Variants in TUT4 observed in about 807,000 individuals in gnomAD.
The protein encoded by TUT4 is terminal uridylyltransferase 4.
A neutral mutation model predicts 192.2 loss-of-function variants in TUT4; 36 were observed. That is an observed-to-expected ratio of 0.19 (90% CI 0.14 to 0.25). TUT4 has a LOEUF of 0.25. TUT4 is among the 10% of genes least tolerant of loss of function. TUT4 has a pLI of 1.00. For missense variants in TUT4, 1,493 were observed against 1,957.2 expected (o/e 0.76, Z 4.47); for synonymous variants, 618 against 666.0 (o/e 0.93, Z 1.11).
At chr1:52,497,215 CAA>C (rs34809739) in intron 4 of TUT4, 32 bp from the exon 5 acceptor site, 1 of 1,531,464 alleles carries the variant, frequency 6.5e-7, no homozygotes, top group Non-Finnish European at 8.7e-7. Context: ...ACAATAAAAA[CAA>C]AAAAAGTTTC....
At chr1:52,529,510 G>A (rs1033347551) in intron 1 of TUT4, among the ~76,000 whole-genome samples, 1 of 152,036 alleles carries the variant, frequency 6.6e-6, no homozygotes. Context: ...TAAAAGATTA[G>A]TTTTACCTTG....
At position 52,477,326 on chromosome 1, in the gene TUT4, C is replaced by T. The variant is rs79096319; in HGVS notation, c.2023+382G>A. ...GTGGCTCATGCCTATAATCCGAGCA[C>T]TTTGGGAGACCAATGCAGGAGGATC... is the stretch of plus-strand genomic sequence containing the variant. On this transcript the variant is annotated intron_variant, in intron 12 of 29. Transcript: ENST00000257177. Among the ~76,000 whole-genome samples the T allele has an allele frequency of 8.9e-3, 1,354 of 152,232 alleles. 22 individuals carry two copies. The highest frequency in any genetic ancestry group is 0.03 in the African/African-American group (1,255 of 41,528).
intron 12 of TUT4, among the ~76,000 whole-genome samples, chr1:52,475,986 A>G (rs1318523511): frequency 2.0e-5 from 3 of 152,112 alleles, no homozygotes; most frequent in Non-Finnish European, 4.4e-5. Flanking sequence ...CTGGGACTAC[A>G]GGTACACGCC....
chr1:52,493,176 C>T (rs910605630), intron 7 of TUT4, among the ~76,000 whole-genome samples: 5 of 152,130 alleles, frequency 3.3e-5, no homozygotes, highest in East Asian at 3.9e-4. Flanking sequence ...CTCCGCATCC[C>T]GGGTTCAAGC....
chr1:52,506,609 T>C (rs1675646975), intron 4 of TUT4, among the ~76,000 whole-genome samples: 1 of 152,228 alleles, frequency 6.6e-6, no homozygotes, highest in African/African-American at 2.4e-5. Context: ...CTACCCAATA[T>C]AGTTTTAATC....
intron 4 of TUT4, among the ~76,000 whole-genome samples, chr1:52,504,566 G>A (rs1675012458): frequency 6.6e-6 from 1 of 152,148 alleles, no homozygotes; most frequent in Admixed American, 6.5e-5. Context: ...GGAGGTGGAG[G>A]TTGTAGTGAG....
chr1:52,423,877 A>G lies in TUT4; in HGVS notation c.*58T>C, dbSNP rs961056979. On this transcript the variant is annotated 3_prime_UTR_variant, in exon 30 of 30. Transcript: ENST00000257177. ...ATTGAGGTACGGATACCCTTGAGAC[A>G]GCAGGATTGGCTGGTTGCTGTGCAT... 6 of 1,595,322 alleles carry G rather than the reference A, an allele frequency of 3.8e-6. No homozygotes were observed. Among genetic ancestry groups the G allele is most frequent in the Non-Finnish European group, 5.1e-6 (6 of 1,170,830 alleles).
At chr1:52,500,481 G>A (rs1417183270) in intron 4 of TUT4, among the ~76,000 whole-genome samples, 2 of 151,878 alleles carry the variant, frequency 1.3e-5, no homozygotes, top group Non-Finnish European at 2.9e-5. Flanking sequence ...TAAAAAATTA[G>A]GCCAGGCACG....
At chr1:52,502,887 G>C (rs1287539819) in intron 4 of TUT4, among the ~76,000 whole-genome samples, 1 of 152,084 alleles carries the variant, frequency 6.6e-6, no homozygotes, top group Non-Finnish European at 1.5e-5. Context: ...GCCTCCCAAA[G>C]TACTAGGATT....
intron 20 of TUT4, among the ~76,000 whole-genome samples, chr1:52,453,321 G>A (rs968125501): frequency 6.6e-6 from 1 of 151,918 alleles, no homozygotes; most frequent in Admixed American, 6.6e-5. Flanking sequence ...GGCGGAGGCT[G>A]GAGTAAGCAG....
upstream of TUT4, chr1:52,553,351 A>G (rs1252644068): frequency 7.2e-6 from 1 of 139,802 alleles, no homozygotes; most frequent in African/African-American, 2.6e-5. Flanking sequence ...GGAGGGGGGA[A>G]ACAGCACTGG....
intron 14 of TUT4, 42 bp from the exon 15 acceptor site, chr1:52,468,309 G>A: frequency 2.8e-6 from 4 of 1,454,276 alleles, no homozygotes; most frequent in Admixed American, 2.4e-5. Context: ...AGAAAAGTAA[G>A]GAAAACAGAA....
chr1:52,447,847 A>C (rs1658038229), intron 20 of TUT4, among the ~76,000 whole-genome samples: 1 of 152,210 alleles, frequency 6.6e-6, no homozygotes, highest in South Asian at 2.1e-4. Context: ...GTAGTTTATA[A>C]ATGGAGAAAA....
chr1:52,517,077 A>G (rs562077796), intron 2 of TUT4, among the ~76,000 whole-genome samples: 1 of 152,318 alleles, frequency 6.6e-6, no homozygotes, highest in Admixed American at 6.5e-5. Flanking sequence ...TCCCTTCTCC[A>G]TTGATGCTCC....
chr1:52,446,017 T>C lies in TUT4; in HGVS notation c.3692-13A>G. On this transcript the variant is annotated splice_polypyrimidine_tract_variant and intron_variant, in intron 22 of 29. Transcript: ENST00000257177. ...AAGTCAAAAGGGTCTACAAAAGAAATATATCAATGATTAAGAATTACATTC... is the reference window on the plus strand; with the variant it reads ...AAGTCAAAAGGGTCTACAAAAGAAACATATCAATGATTAAGAATTACATTC... 1 of 1,594,650 alleles carries C rather than the reference T, an allele frequency of 6.3e-7. No individual in the cohort carries two copies. The highest frequency in any genetic ancestry group is 8.5e-7 in the Non-Finnish European group (1 of 1,173,766).
chr1:52,496,282 TATC>T (rs1459853134), intron 5 of TUT4, among the ~76,000 whole-genome samples: 1 of 152,166 alleles, frequency 6.6e-6, no homozygotes, highest in Admixed American at 6.5e-5. Context: ...TTCCTTTTCT[TATC>T]ATAGTAAATA....
chr1:52,497,610 T>C (rs1672783433), intron 4 of TUT4, among the ~76,000 whole-genome samples: 1 of 152,240 alleles, frequency 6.6e-6, no homozygotes, highest in Non-Finnish European at 1.5e-5. Context: ...GCCTACTATT[T>C]ACCAGTGATT....
intron 28 of TUT4, among the ~76,000 whole-genome samples, chr1:52,425,852 T>C (rs1036194063): frequency 4.9e-4 from 48 of 97,522 alleles, no homozygotes; most frequent in East Asian, 1.3e-3. Context: ...AGGAAAAATT[T>C]AGGCAAAATA....
chr1:52,424,159 T>A, intron 29 of TUT4, 157 bp from the exon 30 acceptor site: 11 of 673,032 alleles, frequency 1.6e-5, no homozygotes, highest in South Asian at 2.0e-5. Flanking sequence ...GGGAGAAAAA[T>A]GAAGAAGGGA....
Sources: allele counts gnomAD v4.1 joint callset (sites outside exome capture counted in the v4.1 genomes callset), GRCh38; gene constraint gnomAD v4.1.1; transcripts MANE v1.5; gene names NCBI Gene and HGNC (gene_info 2026-07-23, HGNC 2026-07-21).